Variants in PPP6R2 observed in about 807,000 individuals in gnomAD.
PPP6R2 encodes the protein protein phosphatase 6 regulatory subunit 2.
PPP6R2 carries 62 observed loss-of-function variants against 100.2 expected under a neutral mutation model. That is an observed-to-expected ratio of 0.62 (90% confidence interval 0.50 to 0.76). PPP6R2 has a LOEUF of 0.76. Among genes scored for constraint, PPP6R2 ranks in the 30% least tolerant of loss-of-function variants. The pLI, the probability that PPP6R2 is intolerant of heterozygous loss-of-function variation, is 0.00. For synonymous variants in PPP6R2, 525 were observed against 514.7 expected, an observed-to-expected ratio of 1.02 and a Z score of -0.27; for missense variants, 1,142 against 1,276.3, an observed-to-expected ratio of 0.89 and a Z score of 1.60.
chr22:50,403,524 A>G (rs965708515), intron 3 of PPP6R2, among the ~76,000 whole-genome samples: 3 of 152,134 alleles, frequency 2.0e-5, no homozygotes, highest in Admixed American at 2.0e-4. Context: ...CAATTAACAG[A>G]CAAGGACACT....
intron 3 of PPP6R2, among the ~76,000 whole-genome samples, chr22:50,399,470 G>A (rs1416798033): frequency 6.6e-6 from 1 of 152,238 alleles, no homozygotes; most frequent in Admixed American, 6.5e-5. Context: ...GCACTGCCAG[G>A]TTAAACACCG....
chr22:50,394,183 G>A (rs2056236603), intron 3 of PPP6R2, 48 bp downstream of exon 3: 3 of 1,598,312 alleles, frequency 1.9e-6, no homozygotes, highest in Admixed American at 1.7e-5. Flanking sequence ...AGTGCTGCAG[G>A]CAGGCCGCAG....
intron 2 of PPP6R2, among the ~76,000 whole-genome samples, chr22:50,373,047 C>T (rs1012035767): frequency 4.6e-5 from 7 of 151,922 alleles, no homozygotes; most frequent in Non-Finnish European, 1.0e-4. Context: ...GTATATGTTC[C>T]GTCTCACTTG....
Position 50,398,627 on chromosome 22 carries a change from T to G in PPP6R2, c.227+4492T>G, listed in dbSNP as rs571093326. The stretch of plus-strand genomic sequence containing the variant: ...GCCTCCTGGGTTCAAGCAGTTCTCC[T>G]ACCTCGGTCTCCTTAGTAGCTGGGA... On this transcript the variant is annotated intron_variant, in intron 3 of 23. Transcript: ENST00000612753. 2.3e-4 allele frequency among the ~76,000 whole-genome samples: 34 copies of G among 151,020 alleles called. 2 individuals are homozygous for G. Among genetic ancestry groups the G allele is most frequent in the African/African-American group, 4.9e-4 (20 of 41,202 alleles).
intron 3 of PPP6R2, among the ~76,000 whole-genome samples, chr22:50,400,776 G>A (rs938056448): frequency 1.3e-5 from 2 of 152,176 alleles, no homozygotes; most frequent in African/African-American, 4.8e-5. Context: ...GACAAATGAG[G>A]TCAACAGTGG....
intron 8 of PPP6R2, among the ~76,000 whole-genome samples, chr22:50,420,986 C>T (rs2061257400): frequency 6.6e-6 from 1 of 152,210 alleles, no homozygotes; most frequent in Non-Finnish European, 1.5e-5. Context: ...CAGCCCCCAA[C>T]ACTGATAGCC....
chr22:50,414,090 T>C (rs2060146279), intron 4 of PPP6R2, among the ~76,000 whole-genome samples: 1 of 152,128 alleles, frequency 6.6e-6, no homozygotes, highest in Admixed American at 6.6e-5. Flanking sequence ...CTTCAACCGC[T>C]CATGGGTTTT....
chr22:50,340,219 GGTGTGTATGGTATGTGGTGT>G (rs762365139), upstream of PPP6R2, among the ~76,000 whole-genome samples: 13,498 of 115,268 alleles, frequency 0.12, 1,811 homozygotes, highest in South Asian at 0.22. Context: ...TGTGGTATGT[GGTGTGTATGGTATGTGGTGT>G]GTGTGGTGTG....
chr22:50,420,937 G>A (rs939255016), intron 8 of PPP6R2, among the ~76,000 whole-genome samples: 3 of 152,206 alleles, frequency 2.0e-5, no homozygotes, highest in African/African-American at 4.8e-5. Flanking sequence ...CAAGGTGGCC[G>A]TAGCTCCCTT....
At chr22:50,347,818 ACACTGTT>A (rs961482222) in intron 1 of PPP6R2, among the ~76,000 whole-genome samples, 7 of 152,138 alleles carry the variant, frequency 4.6e-5, no homozygotes, top group East Asian at 1.9e-4. Context: ...GCAGTTGCCG[ACACTGTT>A]CACTGTTCAC....
At chr22:50,392,199 T>C (rs1211017474) in intron 2 of PPP6R2, among the ~76,000 whole-genome samples, 1 of 152,070 alleles carries the variant, frequency 6.6e-6, no homozygotes, top group African/African-American at 2.4e-5. Context: ...TCTTAAGACC[T>C]AGAAGGAAAA....
chr22:50,391,877 T>A (rs2055647810), intron 2 of PPP6R2: 1 of 151,524 alleles, frequency 6.6e-6, no homozygotes, highest in South Asian at 2.1e-4. Context: ...GCTTCCACCT[T>A]CTCTGTGGCT....
chr22:50,432,076 C>G (rs773960288), intron 11 of PPP6R2, among the ~76,000 whole-genome samples, 189 bp from the exon 12 acceptor site: 2 of 152,122 alleles, frequency 1.3e-5, no homozygotes. Flanking sequence ...GTATGAGCCC[C>G]GAACCGCACC....
chr22:50,440,955 G>C lies in PPP6R2; in HGVS notation c.2508G>C (p.Ala836=). ...GDQKAASAMD[A]VSRGPGREAP... The stretch of plus-strand genomic sequence containing the variant: ...AGAAGGCAGCGAGTGCCATGGATGC[G>C]GTGAGCAGGGGTCCCGGCCGGGAGG... Residue 836 remains alanine (A), a synonymous_variant, in exon 22 of 24, where the codon GCG becomes GCC. Coordinates refer to ENST00000612753, the MANE Select transcript of PPP6R2 (RefSeq NM_001242898.2). The C allele has an allele frequency of 1.2e-6, 2 of 1,613,012 alleles. No homozygotes were observed. The highest frequency in any genetic ancestry group is 1.7e-6 in the Non-Finnish European group (2 of 1,179,608).
In PPP6R2 at chr22:50,379,587, T is replaced by G. The variant is rs141022620; in HGVS notation, c.-17+7437T>G. Among the ~76,000 whole-genome samples the G allele has an allele frequency of 6.8e-3, 1,031 of 152,212 alleles. 6 individuals are homozygous for G. Among genetic ancestry groups the G allele is most frequent in the South Asian group, 0.031 (149 of 4,824 alleles). Reference sequence around the variant, plus strand: ...TTCAAAAAAGAATGCAAAGCAAATATGTGAGCAAATTCAAATTAGCATTGG... The same window carrying G: ...TTCAAAAAAGAATGCAAAGCAAATAGGTGAGCAAATTCAAATTAGCATTGG... On this transcript the variant is annotated intron_variant, in intron 2 of 23. Transcript: ENST00000612753.
chr22:50,335,956 G>A, the PPP6R2 span, among the ~76,000 whole-genome samples: 6 of 149,648 alleles, frequency 4.0e-5, no homozygotes, highest in Admixed American at 3.3e-4. Context: ...GATTACAGGC[G>A]TGAGCCACTG....
intron 2 of PPP6R2, among the ~76,000 whole-genome samples, chr22:50,380,951 T>G (rs1174362683): frequency 7.0e-6 from 1 of 142,308 alleles, no homozygotes; most frequent in African/African-American, 2.7e-5. Context: ...ATTACGCCAC[T>G]GCACTCCAGC....
chr22:50,419,520 A>G (rs1262744332), intron 8 of PPP6R2, 58 bp downstream of exon 8: 3 of 1,153,410 alleles, frequency 2.6e-6, no homozygotes, highest in East Asian at 4.8e-5. Context: ...GTGATATGGC[A>G]GCCCACACGA....
chr22:50,393,351 G>T (rs965829526), intron 2 of PPP6R2: 1 of 979,264 alleles, frequency 1.0e-6, no homozygotes, highest in Admixed American at 6.2e-5. Flanking sequence ...AGCATCAGCT[G>T]TCTTGATTTT....
Sources: gnomAD v4.1 joint callset for allele counts (sites outside exome capture counted in the v4.1 genomes callset) on GRCh38, gnomAD v4.1.1 for gene constraint, MANE v1.5 for transcripts, NCBI Gene and HGNC (gene_info 2026-07-23, HGNC 2026-07-21) for gene names.